The following CIITA variants were observed in gnomAD, a reference collection of about 807,000 sequenced individuals.
The protein encoded by CIITA is class II major histocompatibility complex transactivator.
A neutral mutation model predicts 115.1 loss-of-function variants in CIITA; 72 were observed. The observed-to-expected ratio is 0.63, with a 90% CI of 0.52 to 0.76. The LOEUF (loss-of-function observed/expected upper bound fraction) is 0.76. Ranked by LOEUF, CIITA falls within the 30% of genes least tolerant of loss-of-function variation. The pLI is 0.00. For missense variants in CIITA, 1,617 were observed against 1,463.8 expected, an observed-to-expected ratio of 1.10 and a Z score of -1.71; for synonymous variants, 763 against 635.6, an observed-to-expected ratio of 1.20 and a Z score of -3.02.
At chr16:10,882,979 G>A (rs565225676) in intron 1 of CIITA, among the ~76,000 whole-genome samples, 6 of 152,338 alleles carry the variant, frequency 3.9e-5, no homozygotes, top group African/African-American at 1.2e-4. Context: ...GGCCCAGGAC[G>A]CTGTGTTTTT....
intron 12 of CIITA, among the ~76,000 whole-genome samples, chr16:10,909,433 TGG>T (rs2144778142): frequency 1.3e-5 from 2 of 152,336 alleles, no homozygotes; most frequent in African/African-American, 4.8e-5. Context: ...GCTAAAGCCA[TGG>T]AGAACCTCTC....
chr16:10,922,156 G>A lies in CIITA; in HGVS notation c.3150-11G>A. 6.2e-7 allele frequency: 1 copy of A among 1,614,094 alleles called. No individual in the cohort carries two copies. Among genetic ancestry groups the A allele is most frequent in the Middle Eastern group, 1.6e-4 (1 of 6,062 alleles). ...CCTCCAATCCCTCCCCCTGGCCTCT[G>A]TTTCCGACAGCTTGTACAATAACTG... On this transcript the variant is annotated splice_polypyrimidine_tract_variant and intron_variant, in intron 16 of 19. Coordinates refer to ENST00000324288, the MANE Select transcript of CIITA (RefSeq NM_000246.4).
At chr16:10,869,467 T>G (rs569485620) in intron 1 of CIITA, among the ~76,000 whole-genome samples, 7 of 152,110 alleles carry the variant, frequency 4.6e-5, no homozygotes, top group African/African-American at 1.7e-4. Flanking sequence ...CCATTTAGAA[T>G]TGCAACTCCT....
intron 8 of CIITA, among the ~76,000 whole-genome samples, chr16:10,903,303 G>A (rs1156803709): frequency 1.3e-5 from 2 of 152,192 alleles, no homozygotes; most frequent in African/African-American, 2.4e-5. Context: ...CTCAGGGAAG[G>A]TGTGTTTGGG....
rs749019138 is a variant in CIITA at position 10,907,835 on chromosome 16, G to A, written c.2343G>A (p.Ser781=). ...GALLGPSAAA[S]VDRKQKVLAR... ...TACTCGGGCCATCGGCGGCTGCCTC[G>A]GTGGACAGGAAGCAGAAGGTGCTTG... is the stretch of plus-strand genomic sequence containing the variant. The change falls in exon 11 of 20, where the codon TCG becomes TCA. Residue 781 remains serine, a synonymous_variant. Transcript: ENST00000324288. This position sits in a 1 kb window ranked among gnomAD's most constrained non-coding sequence, Gnocchi z 5.0. The A allele has an allele frequency of 9.9e-6, 16 of 1,613,516 alleles. No homozygotes were observed. The highest frequency in any genetic ancestry group is 4.5e-5 in the East Asian group (2 of 44,888).
rs750751772 is a variant in CIITA, at chr16:10,941,835, G to A, written n.961G>A. On this transcript the variant is annotated non_coding_transcript_exon_variant, in exon 2 of 2. Transcript: ENST00000573379. This position sits in a 1 kb window ranked among gnomAD's most constrained non-coding sequence, Gnocchi z 6.4. Reference sequence around the variant, plus strand: ...CCTGGTCCATGTCCTCGGGCAGGAAGACGAGGCCCACGTTGAGGACGATGT... The same window carrying A: ...CCTGGTCCATGTCCTCGGGCAGGAAAACGAGGCCCACGTTGAGGACGATGT... 8.7e-6 allele frequency: 14 copies of A among 1,613,390 alleles called. No individual in the cohort carries two copies. Among genetic ancestry groups the A allele is most frequent in the Middle Eastern group, 1.8e-4 (1 of 5,638 alleles).
upstream of CIITA, among the ~76,000 whole-genome samples, chr16:10,876,118 T>C (rs1447037058): frequency 6.6e-6 from 1 of 152,000 alleles, no homozygotes. Flanking sequence ...GATCATGCCA[T>C]TGCACTCTAG....
intron 15 of CIITA, 96 bp downstream of exon 15, chr16:10,916,555 G>A: frequency 9.6e-7 from 1 of 1,039,246 alleles, no homozygotes; most frequent in Non-Finnish European, 1.5e-6. Context: ...TTAGACAAGG[G>A]CTCGCTGTGT....
At chr16:10,899,059 G>T in intron 5 of CIITA, 57 bp downstream of exon 5, 3 of 1,555,964 alleles carry the variant, frequency 1.9e-6, no homozygotes, top group South Asian at 1.1e-5. Flanking sequence ...GCCTTTCCTT[G>T]ACTCCAAAGC....
At chr16:10,903,210 G>A (rs1178744687) in intron 8 of CIITA, among the ~76,000 whole-genome samples, 1 of 152,158 alleles carries the variant, frequency 6.6e-6, no homozygotes, top group African/African-American at 2.4e-5. Context: ...GTGCATCCTT[G>A]CATAGCTTTC....
chr16:10,905,646 C>T (rs1200469504), intron 10 of CIITA, among the ~76,000 whole-genome samples: 1 of 151,954 alleles, frequency 6.6e-6, no homozygotes, highest in African/African-American at 2.4e-5. Flanking sequence ...CCTGTAATCC[C>T]AGCTACTTGG....
Position 10,908,703 on chromosome 16 carries a change from T to G in CIITA, c.2658-326T>G. 1.1e-5 allele frequency: 6 copies of G among 550,556 alleles called. No homozygotes were observed. In the South Asian group the frequency reaches 1.2e-4, roughly 11 times the overall value. The allele number at this position is 550,556 out of a possible 1,614,324, so 34.1% of individuals were successfully genotyped here. On this transcript the variant is annotated intron_variant, in intron 11 of 19. Transcript: ENST00000324288. ...GTCGGTCTGCAATCTGCTTGAGCAT[T>G]TCAGCTTAATCGCCAGAGGATTGCT...
chr16:10,875,500 A>G (rs753453836), upstream of CIITA, among the ~76,000 whole-genome samples: 23 of 152,098 alleles, frequency 1.5e-4, no homozygotes, highest in Non-Finnish European at 2.8e-4. Flanking sequence ...CACACCTGCT[A>G]CTAAGTTCCC....
rs1395615101 is a variant in CIITA, at chr16:10,932,714, G to C, written c.*8859G>C. ...AAATTCTTTTTTTTTTTTTTTTTTT[G>C]AGACAGGGTCTTGCTTTGTCACCCA... On this transcript the variant is annotated 3_prime_UTR_variant, in exon 20 of 20. Transcript: ENST00000324288. 1.7e-5 allele frequency: 1 copy of C among 59,698 alleles called. No homozygotes were observed. Among genetic ancestry groups the C allele is most frequent in the South Asian group, 5.3e-4 (1 of 1,874 alleles). 3.7% of individuals were successfully genotyped at this position (59,698 alleles called of 1,614,324 possible).
intron 1 of CIITA, among the ~76,000 whole-genome samples, chr16:10,888,035 G>A (rs529498314): frequency 1.8e-4 from 27 of 152,222 alleles, no homozygotes; most frequent in African/African-American, 6.3e-4. Context: ...TAAATGCAAG[G>A]CATCTAGCAC....
chr16:10,907,869 C>A lies in CIITA; in HGVS notation c.2377C>A (p.Leu793Met). ...DRKQKVLARY[L>M]KRLQPGTLRA... is the part of the protein sequence containing the mutation. Reference sequence around the variant, plus strand: ...GAAGCAGAAGGTGCTTGCGAGGTACCTGAAGCGGCTGCAGCCGGGGACACT... The same window carrying A: ...GAAGCAGAAGGTGCTTGCGAGGTACATGAAGCGGCTGCAGCCGGGGACACT... Residue 793 changes from leucine (L) to methionine (M), a missense_variant, in exon 11 of 20, where the codon CTG becomes ATG. Coordinates refer to ENST00000324288, the MANE Select transcript of CIITA (RefSeq NM_000246.4). The surrounding 1 kb of genome is among the most constrained non-coding windows in gnomAD (Gnocchi z 5.0). 1 of 1,608,080 alleles carries A rather than the reference C, an allele frequency of 6.2e-7. No individual in the cohort carries two copies.
Position 10,922,375 on chromosome 16 carries a change from G to C in CIITA, c.3234-32G>C, listed in dbSNP as rs183921743. 1.1e-4 allele frequency: 182 copies of C among 1,613,982 alleles called. No homozygotes were observed. In the African/African-American group the frequency reaches 2.2e-3, roughly 20 times the overall value. ...TGGTCTGGAGCTGGGGAGTCCCAAGGGCCAGGCCCCAAGGTGAGTTTCTCT... is the reference window on the plus strand; with the variant it reads ...TGGTCTGGAGCTGGGGAGTCCCAAGCGCCAGGCCCCAAGGTGAGTTTCTCT... On this transcript the variant is annotated intron_variant, in intron 17 of 19. Transcript: ENST00000324288.
intron 1 of CIITA, among the ~76,000 whole-genome samples, chr16:10,877,640 G>A (rs551249007): frequency 1.3e-5 from 2 of 152,142 alleles, no homozygotes; most frequent in Admixed American, 6.5e-5. Flanking sequence ...TCAGACTTTC[G>A]GGCAGTGTGT....
intron 1 of CIITA, among the ~76,000 whole-genome samples, chr16:10,883,312 G>T (rs1249611935): frequency 1.3e-5 from 2 of 152,174 alleles, no homozygotes; most frequent in Non-Finnish European, 2.9e-5. Flanking sequence ...CAGAAGGGAG[G>T]CTATCTGGAG....
Sources: allele counts gnomAD v4.1 joint callset (sites outside exome capture counted in the v4.1 genomes callset), GRCh38; gene constraint gnomAD v4.1.1; non-coding constraint Gnocchi (gnomAD v3.1); transcripts MANE v1.5; gene names NCBI Gene and HGNC (gene_info 2026-07-23, HGNC 2026-07-21).